Variants in MYH14 observed in about 807,000 individuals in gnomAD.
MYH14 encodes the protein myosin-14.
A neutral mutation model predicts 255.5 loss-of-function variants in MYH14; 123 were observed. The ratio of observed to expected loss-of-function variants is 0.48; its 90% CI spans 0.42 to 0.56. The LOEUF (loss-of-function observed/expected upper bound fraction) is 0.56. Among genes scored for constraint, MYH14 ranks in the 20% least tolerant of loss-of-function variants. The pLI is 0.00. For missense variants in MYH14, 2,423 were observed against 2,802.3 expected (o/e 0.86, Z 3.06); for synonymous variants, 1,095 against 1,161.2 (o/e 0.94, Z 1.16).
In MYH14 at chr19:50,276,676, A is replaced by G. The variant is rs2035518668; in HGVS notation, c.3681-81A>G. 6 of 1,575,060 alleles carry G rather than the reference A, an allele frequency of 3.8e-6. No homozygotes were observed. Among genetic ancestry groups the G allele is most frequent in the Non-Finnish European group, 4.4e-6 (5 of 1,148,252 alleles). On this transcript the variant is annotated intron_variant, in intron 28 of 42. Coordinates refer to ENST00000642316, the MANE Select transcript of MYH14 (RefSeq NM_001145809.2). The surrounding 1 kb of genome is among the most constrained non-coding windows in gnomAD (Gnocchi z 4.3). Reference sequence around the variant, plus strand: ...CCTCATATTTTAAGGAAACATGAAAAGGAGAAACAACCAGCTCCCCCAAAG... The same window carrying G: ...CCTCATATTTTAAGGAAACATGAAAGGGAGAAACAACCAGCTCCCCCAAAG...
At chr19:50,239,932 C>T (rs1365802612) in intron 10 of MYH14, among the ~76,000 whole-genome samples, 1 of 152,204 alleles carries the variant, frequency 6.6e-6, no homozygotes, top group Non-Finnish European at 1.5e-5. Flanking sequence ...GGCATCCAGC[C>T]TGGGGGAGTT....
chr19:50,261,788 T>C (rs899064677), intron 21 of MYH14, among the ~76,000 whole-genome samples, 153 bp downstream of exon 21: 4 of 151,910 alleles, frequency 2.6e-5, no homozygotes, highest in Admixed American at 1.3e-4. Flanking sequence ...TTCTTGGTTC[T>C]GCAGTCCCTG....
intron 3 of MYH14, 23 bp from the exon 4 acceptor site, chr19:50,223,060 T>C: frequency 6.2e-7 from 1 of 1,610,506 alleles, no homozygotes; most frequent in Non-Finnish European, 8.5e-7. Flanking sequence ...AGATGACATA[T>C]TCCCCCACTC....
rs1382747426 is a variant in MYH14 at position 50,230,453 on chromosome 19, C to G, written c.875-72C>G. 1 of 1,346,554 alleles carries G rather than the reference C, an allele frequency of 7.4e-7. No individual in the cohort carries two copies. The highest frequency in any genetic ancestry group is 2.0e-5 in the Admixed American group (1 of 50,680). The allele number at this position is 1,346,554 out of a possible 1,614,324, so 83.4% of individuals were successfully genotyped here. ...AGAGAAGGGGGCAGCGTGGGCAGGG[C>G]AGGCTCCTGTAGTGGCCTGGCAGCG... On this transcript the variant is annotated intron_variant, in intron 8 of 42. Transcript: ENST00000642316. The surrounding 1 kb of genome is among the most constrained non-coding windows in gnomAD (Gnocchi z 4.7).
In MYH14 at chr19:50,293,146, T is replaced by C; in HGVS notation, c.5257-87T>C. On this transcript the variant is annotated intron_variant, in intron 37 of 42. Coordinates refer to ENST00000642316, the MANE Select transcript of MYH14 (RefSeq NM_001145809.2). This position sits in a 1 kb window ranked among gnomAD's most constrained non-coding sequence, Gnocchi z 4.1. ...CAGCATGAGAAAAAAGCCAAGAGCC[T>C]TGAGGTGTGAGGGACAGAGAAAGGG... 1 of 940,066 alleles carries C rather than the reference T, an allele frequency of 1.1e-6. No individual in the cohort carries two copies. Among genetic ancestry groups the C allele is most frequent in the South Asian group, 1.4e-5 (1 of 71,860 alleles). 58.2% of individuals were successfully genotyped at this position (940,066 alleles called of 1,614,324 possible).
chr19:50,272,130 A>C (rs1383179723), intron 26 of MYH14, among the ~76,000 whole-genome samples, 158 bp downstream of exon 26: 1 of 152,108 alleles, frequency 6.6e-6, no homozygotes, highest in African/African-American at 2.4e-5. Context: ...TTGAGTTCTT[A>C]ATGCATCTCT....
chr19:50,228,576 C>T (rs555150688), intron 8 of MYH14, among the ~76,000 whole-genome samples: 92 of 152,252 alleles, frequency 6.0e-4, no homozygotes, highest in African/African-American at 2.2e-3. Flanking sequence ...GCCCCTGCTC[C>T]TGCCGTTTTC....
chr19:50,282,596 G>A (rs2035761578), intron 33 of MYH14, among the ~76,000 whole-genome samples: 1 of 152,112 alleles, frequency 6.6e-6, no homozygotes, highest in Admixed American at 6.5e-5. Flanking sequence ...CTAGCTACTC[G>A]GGAGGCTGAG....
chr19:50,243,405 C>CA lies in MYH14; in HGVS notation c.1115-836dup, dbSNP rs769830876. Among the ~76,000 whole-genome samples, 8 of 151,858 alleles carry CA rather than the reference C, an allele frequency of 5.3e-5. No individual in the cohort carries two copies. The East Asian group carries it at 1.4e-3, about 26-fold the overall frequency. The stretch of plus-strand genomic sequence containing the variant: ...GAGCCGATATGGCACCACTGCACTC[C>CA]AGCCTGGGTGACAAGAATGAGACTC... On this transcript the variant is annotated intron_variant, in intron 10 of 42. Transcript: ENST00000642316.
chr19:50,250,757 G>C lies in MYH14; in HGVS notation c.1830+69G>C, dbSNP rs147708911. Reference sequence around the variant, plus strand: ...AAGGGATCTCCACTGGCTACAGATGGGGGGAGGGTGCAGAGGGAAAACAGG... The same window carrying C: ...AAGGGATCTCCACTGGCTACAGATGCGGGGAGGGTGCAGAGGGAAAACAGG... On this transcript the variant is annotated intron_variant, in intron 15 of 42. Transcript: ENST00000642316. This position sits in a 1 kb window ranked among gnomAD's most constrained non-coding sequence, Gnocchi z 5.4. 428 of 1,509,572 alleles carry C rather than the reference G, an allele frequency of 2.8e-4. 1 individual carries two copies. In the African/African-American group the frequency reaches 4.6e-3, roughly 16 times the overall value. 93.5% of individuals were successfully genotyped at this position (1,509,572 alleles called of 1,614,324 possible). A position where few individuals can be genotyped will look rare whatever the true frequency, so the allele number is the denominator to read the frequency against.
intron 10 of MYH14, among the ~76,000 whole-genome samples, chr19:50,242,383 C>T (rs1413001321): frequency 6.6e-6 from 1 of 152,178 alleles, no homozygotes; most frequent in Non-Finnish European, 1.5e-5. Context: ...GCTGGGGTGG[C>T]CTCCACAATC....
At chr19:50,255,434 C>A in intron 17 of MYH14, 116 bp downstream of exon 17, 1 of 772,026 alleles carries the variant, frequency 1.3e-6, no homozygotes, top group Non-Finnish European at 2.2e-6. Context: ...GGAGGTCTCT[C>A]ACTCTTCCTT....
intron 10 of MYH14, among the ~76,000 whole-genome samples, chr19:50,234,890 C>T (rs2033586890): frequency 6.6e-6 from 1 of 152,214 alleles, no homozygotes; most frequent in Non-Finnish European, 1.5e-5. Context: ...CAAGCCTTCC[C>T]ACTCTTCCCT....
intron 11 of MYH14, among the ~76,000 whole-genome samples, chr19:50,244,628 C>G (rs908472057): frequency 1.3e-5 from 2 of 151,896 alleles, no homozygotes; most frequent in Non-Finnish European, 2.9e-5. Flanking sequence ...GGACTACAGG[C>G]GCCCGCCACC....
Position 50,281,808 on chromosome 19 carries a change from G to A in MYH14, c.4505G>A (p.Ser1502Asn). The A allele has an allele frequency of 6.2e-7, 1 of 1,612,666 alleles. No individual in the cohort carries two copies. Among genetic ancestry groups the A allele is most frequent in the Non-Finnish European group, 8.5e-7 (1 of 1,179,734 alleles). ...MDLEQQRQLV[S>N]TLEKKQRKFD... is the part of the protein sequence containing the mutation. ...CTGGAGCAGCAGCGGCAGCTTGTGA[G>A]CACCCTGGAGAAGAAGCAGCGCAAG... Residue 1502 changes from serine to asparagine, a missense_variant, in exon 33 of 43, where the codon AGC becomes AAC. Around this residue, in one of 3 missense-constraint regions of MYH14, gnomAD observed 1,513 missense variants for 1,674.8 expected, o/e 0.90. Transcript: ENST00000642316.
At chr19:50,248,073 A>G (rs1366403609) in intron 12 of MYH14, among the ~76,000 whole-genome samples, 1 of 151,652 alleles carries the variant, frequency 6.6e-6, no homozygotes, top group African/African-American at 2.4e-5. Flanking sequence ...AAAAAAAAAA[A>G]AAAGAAAAGA....
At chr19:50,283,927 G>A (rs941165045) in intron 33 of MYH14, among the ~76,000 whole-genome samples, 28 of 152,016 alleles carry the variant, frequency 1.8e-4, no homozygotes, top group African/African-American at 5.1e-4. Flanking sequence ...ACAAAATTAG[G>A]TAGGCATGGT....
chr19:50,229,290 G>A (rs368047054), intron 8 of MYH14, among the ~76,000 whole-genome samples: 11 of 152,164 alleles, frequency 7.2e-5, no homozygotes, highest in African/African-American at 2.4e-4. Context: ...CATGAGTGTG[G>A]TGGTGCATGA....
intron 12 of MYH14, 129 bp downstream of exon 12, chr19:50,247,251 C>A: frequency 1.5e-6 from 1 of 655,646 alleles, no homozygotes; most frequent in Non-Finnish European, 2.7e-6. Context: ...GTTACCGATC[C>A]TGGTCTAGGT....
Sources: gnomAD v4.1 joint callset for allele counts (sites outside exome capture counted in the v4.1 genomes callset) on GRCh38, gnomAD v4.1.1 for gene constraint, gnomAD v4.1.1 regional missense constraint, Gnocchi (gnomAD v3.1) non-coding constraint, MANE v1.5 for transcripts, NCBI Gene and HGNC (gene_info 2026-07-23, HGNC 2026-07-21) for gene names.